The following CDH12 variants were observed in gnomAD, a reference collection of about 807,000 sequenced individuals.
CDH12 encodes cadherin-12.
A neutral mutation model predicts 74.1 loss-of-function variants in CDH12; 41 were observed. That is an observed-to-expected ratio of 0.55 (90% CI 0.43 to 0.72). The LOEUF (loss-of-function observed/expected upper bound fraction) is 0.72. Among genes scored for constraint, CDH12 ranks in the 30% least tolerant of loss-of-function variants. The pLI, the probability that CDH12 is intolerant of heterozygous loss-of-function variation, is 0.00. For missense variants in CDH12, 945 were observed against 977.2 expected, an observed-to-expected ratio of 0.97 and a Z score of 0.44; for synonymous variants, 399 against 355.0, an observed-to-expected ratio of 1.12 and a Z score of -1.39.
chr5:22,755,525 A>AT (rs1358040320), intron 1 of CDH12, among the ~76,000 whole-genome samples: 1 of 152,110 alleles, frequency 6.6e-6, no homozygotes, highest in African/African-American at 2.4e-5. Flanking sequence ...AGTAATGCAC[A>AT]TTTTTTGGTA....
chr5:22,050,087 C>T (rs1014776649), intron 5 of CDH12, among the ~76,000 whole-genome samples: 5 of 152,016 alleles, frequency 3.3e-5, no homozygotes, highest in Admixed American at 6.6e-5. Flanking sequence ...GTGCTTCTTC[C>T]GATATTCTGA....
chr5:22,685,365 G>A (rs551511239), intron 1 of CDH12, among the ~76,000 whole-genome samples: 1 of 152,202 alleles, frequency 6.6e-6, no homozygotes, highest in South Asian at 2.1e-4. Flanking sequence ...AGCCTCCCAA[G>A]TAGCTGGGAC....
intron 1 of CDH12, among the ~76,000 whole-genome samples, chr5:22,537,320 G>A (rs1252171262): frequency 6.6e-6 from 1 of 152,096 alleles, no homozygotes. Flanking sequence ...AGTCGGCATA[G>A]GAGACAGCTT....
chr5:22,095,207 C>G (rs1048628539), intron 4 of CDH12, among the ~76,000 whole-genome samples: 1 of 152,180 alleles, frequency 6.6e-6, no homozygotes, highest in African/African-American at 2.4e-5. Context: ...AATTTTAAAT[C>G]AGGTAAGTGG....
At chr5:22,707,425 G>A (rs1294614976) in intron 1 of CDH12, among the ~76,000 whole-genome samples, 1 of 152,022 alleles carries the variant, frequency 6.6e-6, no homozygotes, top group Non-Finnish European at 1.5e-5. Flanking sequence ...GTCCTTTAAT[G>A]TCATGTTTTA....
In CDH12 at chr5:22,681,635, A is replaced by G. The variant is rs570509537; in HGVS notation, c.-523+171423T>C. ...CTGATTTTAACTTTTAAAATTATCT[A>G]AATGATTCTGAACATTCGTCCCTTC... On this transcript the variant is annotated intron_variant, in intron 1 of 14. Transcript: ENST00000382254. 9.9e-5 allele frequency among the ~76,000 whole-genome samples: 15 copies of G among 152,228 alleles called. No individual in the cohort carries two copies. In the South Asian group the frequency reaches 2.5e-3, roughly 25 times the overall value.
rs568250980 is a variant in CDH12 at position 21,847,655 on chromosome 5, T to G, written c.647-5327A>C. 3.3e-5 allele frequency among the ~76,000 whole-genome samples: 5 copies of G among 152,180 alleles called. No individual in the cohort carries two copies. The East Asian group carries it at 7.7e-4, about 24-fold the overall frequency. On this transcript the variant is annotated intron_variant, in intron 7 of 14. Transcript: ENST00000382254. ...ACGGAGTCTACCCATATAATAAGAA[T>G]AATCACCTCATCTCCACTATATGTG...
At chr5:21,985,894 T>C (rs1757496818) in intron 5 of CDH12, among the ~76,000 whole-genome samples, 2 of 152,180 alleles carry the variant, frequency 1.3e-5, no homozygotes, top group Admixed American at 1.3e-4. Context: ...AGTAATGTTA[T>C]GCAAATTGTT....
intron 1 of CDH12, among the ~76,000 whole-genome samples, chr5:22,715,315 C>T (rs975541371): frequency 6.6e-6 from 1 of 152,180 alleles, no homozygotes; most frequent in Non-Finnish European, 1.5e-5. Flanking sequence ...ATTAGTTATT[C>T]AGCTTATTAA....
chr5:21,791,418 G>C (rs997858046), intron 10 of CDH12, among the ~76,000 whole-genome samples: 1 of 151,982 alleles, frequency 6.6e-6, no homozygotes, highest in South Asian at 2.1e-4. Context: ...TGTTTCTGCT[G>C]TTGGGTTGCA....
At chr5:21,937,172 G>C (rs2150086375) in intron 6 of CDH12, among the ~76,000 whole-genome samples, 1 of 152,292 alleles carries the variant, frequency 6.6e-6, no homozygotes, top group South Asian at 2.1e-4. Flanking sequence ...AAGGATGATG[G>C]AACAGGTACA....
intron 1 of CDH12, among the ~76,000 whole-genome samples, chr5:22,790,963 C>T (rs948409673): frequency 2.0e-5 from 3 of 152,132 alleles, no homozygotes; most frequent in African/African-American, 4.8e-5. Context: ...TTTCAATCTT[C>T]GATGGTACCA....
intron 1 of CDH12, among the ~76,000 whole-genome samples, chr5:22,531,925 G>A (rs1263568711): frequency 2.0e-5 from 3 of 152,188 alleles, no homozygotes; most frequent in Non-Finnish European, 2.9e-5. Flanking sequence ...AGACTGCAAC[G>A]GAGAGTCTCT....
intron 3 of CDH12, among the ~76,000 whole-genome samples, chr5:22,229,426 G>T (rs1205689299): frequency 2.2e-5 from 3 of 134,942 alleles, no homozygotes; most frequent in Admixed American, 1.6e-4. Flanking sequence ...CAGCCTGGGC[G>T]ACAGAGCAAG....
rs1025904689 is a variant in CDH12 at position 22,342,809 on chromosome 5, T to C, written c.-333+62448A>G. ...TCCCTCCCTCCCTTCTTTCTCTTTC[T>C]TTCTCTCTTTCTCTCTCTGTCTCTC... On this transcript the variant is annotated intron_variant, in intron 3 of 14. Transcript: ENST00000382254. 2.7e-5 allele frequency among the ~76,000 whole-genome samples: 4 copies of C among 146,290 alleles called. No individual in the cohort carries two copies. The East Asian group carries it at 8.6e-4, about 32-fold the overall frequency.
chr5:21,886,178 G>A (rs1235065963), intron 6 of CDH12, among the ~76,000 whole-genome samples: 3 of 151,826 alleles, frequency 2.0e-5, no homozygotes, highest in African/African-American at 7.3e-5. Flanking sequence ...TGTTCCATTT[G>A]TTTCTTACTT....
chr5:22,142,800 T>C, intron 4 of CDH12: 1 of 261,786 alleles, frequency 3.8e-6, no homozygotes, highest in Admixed American at 4.7e-5. Context: ...TCTTAATAAA[T>C]GTTGTGTGAT....
intron 5 of CDH12, among the ~76,000 whole-genome samples, chr5:22,036,158 A>G (rs376112405): frequency 3.9e-5 from 6 of 152,206 alleles, no homozygotes; most frequent in African/African-American, 9.6e-5. Context: ...CTGTTTATCA[A>G]TTGATACATG....
At chr5:22,670,183 T>C (rs570291363) in intron 1 of CDH12, among the ~76,000 whole-genome samples, 6 of 152,026 alleles carry the variant, frequency 3.9e-5, no homozygotes, top group Admixed American at 1.3e-4. Context: ...TGTTTATTTG[T>C]TTGTTTGTTT....
Sources: gnomAD v4.1 joint callset for allele counts (sites outside exome capture counted in the v4.1 genomes callset) on GRCh38, gnomAD v4.1.1 for gene constraint, MANE v1.5 for transcripts, NCBI Gene and HGNC (gene_info 2026-07-23, HGNC 2026-07-21) for gene names.